Variants in DPYD observed in about 807,000 individuals in gnomAD.
The protein encoded by DPYD is dihydropyrimidine dehydrogenase.
A neutral mutation model predicts 116.2 loss-of-function variants in DPYD; 109 were observed. The observed-to-expected ratio is 0.94, with a 90% confidence interval of 0.80 to 1.10. The LOEUF (loss-of-function observed/expected upper bound fraction) is 1.10. Among genes scored for constraint, DPYD ranks in the 50% least tolerant of loss-of-function variants. The probability of loss-of-function intolerance (pLI) is 0.00; values close to 1 mark genes in which losing one functional copy is unlikely to be tolerated. For missense variants in DPYD, 1,302 were observed against 1,254.5 expected, an observed-to-expected ratio of 1.04 and a Z score of -0.57; for synonymous variants, 440 against 432.0, an observed-to-expected ratio of 1.02 and a Z score of -0.23.
At chr1:97,623,294 C>A (rs543138054) in intron 8 of DPYD, among the ~76,000 whole-genome samples, 2 of 152,080 alleles carry the variant, frequency 1.3e-5, no homozygotes, top group Non-Finnish European at 2.9e-5. Flanking sequence ...AGTAAAGATT[C>A]CTCATGAATT....
chr1:97,757,213 A>G (rs1385698517), intron 3 of DPYD, among the ~76,000 whole-genome samples: 3 of 152,214 alleles, frequency 2.0e-5, no homozygotes, highest in Admixed American at 2.0e-4. Context: ...AAACAAGTGA[A>G]CAAACAAACA....
At position 97,293,223 on chromosome 1, in the gene DPYD, C is replaced by T. The variant is rs146645993; in HGVS notation, c.2299+12036G>A. The stretch of plus-strand genomic sequence containing the variant: ...GTTATATTTATAGATTGTTTTCAGT[C>T]AATTTTTTTGTCAAGTACAAAAGTG... On this transcript the variant is annotated intron_variant, in intron 18 of 22. Transcript: ENST00000370192. Among the ~76,000 whole-genome samples, 642 of 152,202 alleles carry T rather than the reference C, an allele frequency of 4.2e-3. 11 individuals are homozygous for T. The highest frequency in any genetic ancestry group is 0.015 in the African/African-American group (616 of 41,524).
intron 21 of DPYD, among the ~76,000 whole-genome samples, chr1:97,096,694 A>G (rs746444109): frequency 3.9e-5 from 6 of 152,156 alleles, no homozygotes; most frequent in Non-Finnish European, 8.8e-5. Flanking sequence ...TCCTAAAAGT[A>G]GCCAATCACA....
intron 8 of DPYD, among the ~76,000 whole-genome samples, chr1:97,630,506 G>C (rs904802482): frequency 6.6e-6 from 1 of 152,018 alleles, no homozygotes; most frequent in Non-Finnish European, 1.5e-5. Flanking sequence ...CCTGCAGCTC[G>C]AAGCTAACAA....
intron 20 of DPYD, among the ~76,000 whole-genome samples, chr1:97,190,877 C>T (rs1362386280): frequency 2.0e-5 from 3 of 152,110 alleles, no homozygotes; most frequent in Admixed American, 6.6e-5. Flanking sequence ...ATCAGAGTAG[C>T]CATTGTACTT....
chr1:97,195,383 T>C (rs1359860501), intron 19 of DPYD, among the ~76,000 whole-genome samples: 2 of 151,104 alleles, frequency 1.3e-5, no homozygotes, highest in Non-Finnish European at 2.9e-5. Context: ...TCTTAAAGCC[T>C]TTTGGGTCTT....
intron 20 of DPYD, among the ~76,000 whole-genome samples, chr1:97,168,686 A>G (rs1462646317): frequency 6.6e-6 from 1 of 152,046 alleles, no homozygotes; most frequent in Non-Finnish European, 1.5e-5. Context: ...TTTTTAACCA[A>G]TGAGTTTAGA....
intron 18 of DPYD, among the ~76,000 whole-genome samples, chr1:97,275,652 G>C (rs1664885853): frequency 1.3e-5 from 2 of 152,280 alleles, no homozygotes; most frequent in South Asian, 4.1e-4. Context: ...CTATAAGAAT[G>C]CACACACCTT....
At chr1:97,174,981 C>G (rs1417147949) in intron 20 of DPYD, among the ~76,000 whole-genome samples, 1 of 152,100 alleles carries the variant, frequency 6.6e-6, no homozygotes, top group South Asian at 2.1e-4. Context: ...GGTAACTGCT[C>G]TTTTGTGTCT....
intron 2 of DPYD, among the ~76,000 whole-genome samples, chr1:97,837,852 A>G (rs531977987): frequency 6.6e-6 from 1 of 152,292 alleles, no homozygotes; most frequent in East Asian, 1.9e-4. Context: ...GGCAAATAGA[A>G]GCAGGGATCT....
At chr1:97,691,888 A>C in intron 6 of DPYD, 90 bp from the exon 7 acceptor site, 1 of 976,620 alleles carries the variant, frequency 1.0e-6, no homozygotes, top group South Asian at 1.3e-5. Context: ...GTCTTTATGG[A>C]TTAGTAGAAA....
At chr1:97,215,405 T>C (rs1467140825) in intron 19 of DPYD, among the ~76,000 whole-genome samples, 5 of 152,242 alleles carry the variant, frequency 3.3e-5, no homozygotes, top group South Asian at 2.1e-4. Context: ...CAGTAGCTTC[T>C]GGAAAAGGTC....
At position 97,882,623 on chromosome 1, in the gene DPYD, A is replaced by G. The variant is rs934539534; in HGVS notation, c.150+641T>C. ...ACTTTAAGATGGAATTTCTAACATC[A>G]CCTTTAAGGTTGTACTTATATCCGA... is the stretch of plus-strand genomic sequence containing the variant. On this transcript the variant is annotated intron_variant, in intron 2 of 22. Transcript: ENST00000370192. 2.0e-5 allele frequency among the ~76,000 whole-genome samples: 3 copies of G among 151,952 alleles called. No individual in the cohort carries two copies. In the East Asian group the frequency reaches 5.8e-4, roughly 30 times the overall value.
At chr1:97,243,131 G>A (rs75635786) in intron 18 of DPYD, among the ~76,000 whole-genome samples, 1 of 151,912 alleles carries the variant, frequency 6.6e-6, no homozygotes, top group East Asian at 1.9e-4. Flanking sequence ...AGACTTCTCT[G>A]TACTACAGGA....
intron 18 of DPYD, among the ~76,000 whole-genome samples, chr1:97,278,690 G>A (rs576591861): frequency 6.6e-6 from 1 of 152,290 alleles, no homozygotes; most frequent in East Asian, 1.9e-4. Flanking sequence ...TGAAAATAAA[G>A]CATCATTTAG....
chr1:97,290,320 A>G (rs540177629), intron 18 of DPYD, among the ~76,000 whole-genome samples: 1 of 151,992 alleles, frequency 6.6e-6, no homozygotes, highest in Admixed American at 6.5e-5. Context: ...TTCTTCACAG[A>G]ATTGGAAAAA....
At chr1:97,445,338 A>G (rs978043089) in intron 14 of DPYD, among the ~76,000 whole-genome samples, 1 of 152,236 alleles carries the variant, frequency 6.6e-6, no homozygotes, top group African/African-American at 2.4e-5. Context: ...AATACATTCA[A>G]ATGTTAAGTC....
At chr1:97,118,678 A>G (rs1391241372) in intron 20 of DPYD, among the ~76,000 whole-genome samples, 1 of 152,226 alleles carries the variant, frequency 6.6e-6, no homozygotes, top group Non-Finnish European at 1.5e-5. Context: ...TTTTTCTGCC[A>G]GATTCAAAAA....
chr1:97,206,113 G>T (rs1659575598), intron 19 of DPYD, among the ~76,000 whole-genome samples: 1 of 151,662 alleles, frequency 6.6e-6, no homozygotes. Context: ...TGAGGGAGGG[G>T]TACGGAGCTT....
Sources: allele counts gnomAD v4.1 joint callset (sites outside exome capture counted in the v4.1 genomes callset), GRCh38; gene constraint gnomAD v4.1.1; transcripts MANE v1.5; gene names NCBI Gene and HGNC (gene_info 2026-07-23, HGNC 2026-07-21).